Variants in SORCS1 observed in about 807,000 individuals in gnomAD.
SORCS1 encodes the protein VPS10 domain-containing receptor SorCS1.
Under a neutral mutation model 146.1 loss-of-function variants are expected in SORCS1, and 60 were observed. That is an observed-to-expected ratio of 0.41 (90% CI 0.33 to 0.51). The LOEUF (loss-of-function observed/expected upper bound fraction) is 0.51, where lower values mean the gene tolerates loss of function less well. SORCS1 is among the 20% of genes least tolerant of loss of function. The pLI is 0.21. For missense variants in SORCS1, 1,352 were observed against 1,487.6 expected (o/e 0.91, Z 1.50); for synonymous variants, 637 against 584.0 (o/e 1.09, Z -1.31).
chr10:106,920,133 C>T (rs546759772), intron 2 of SORCS1, among the ~76,000 whole-genome samples: 11 of 152,292 alleles, frequency 7.2e-5, no homozygotes, highest in Non-Finnish European at 1.0e-4. Context: ...CACCACTTTA[C>T]ACCAGAACAA....
intron 1 of SORCS1, among the ~76,000 whole-genome samples, chr10:107,084,899 A>G (rs1963646988): frequency 6.6e-6 from 1 of 152,202 alleles, no homozygotes; most frequent in African/African-American, 2.4e-5. Flanking sequence ...TCAATCGTTC[A>G]TGAGACTCTG....
At chr10:107,156,352 C>T (rs186618652) in intron 1 of SORCS1, among the ~76,000 whole-genome samples, 2 of 152,298 alleles carry the variant, frequency 1.3e-5, no homozygotes, top group Non-Finnish European at 2.9e-5. Flanking sequence ...TTAAGCTTGA[C>T]TTCTACAGCT....
chr10:106,890,003 G>A (rs1010783095), intron 2 of SORCS1, among the ~76,000 whole-genome samples: 2 of 150,400 alleles, frequency 1.3e-5, no homozygotes, highest in African/African-American at 4.9e-5. Flanking sequence ...ATTTCTCAAA[G>A]TGCAGCAGGC....
chr10:107,134,938 G>A (rs1024847064), intron 1 of SORCS1, among the ~76,000 whole-genome samples: 1 of 152,164 alleles, frequency 6.6e-6, no homozygotes, highest in African/African-American at 2.4e-5. Context: ...AAGGTGCTGT[G>A]GGAATGACAC....
At chr10:106,625,928 A>C (rs1428820495) in intron 19 of SORCS1, among the ~76,000 whole-genome samples, 1 of 152,136 alleles carries the variant, frequency 6.6e-6, no homozygotes, top group African/African-American at 2.4e-5. Flanking sequence ...CACGTGTCTC[A>C]TTAGTTTGCA....
At position 106,882,275 on chromosome 10, in the gene SORCS1, TA is replaced by T. The variant is rs369105893; in HGVS notation, c.627-52603del. Among the ~76,000 whole-genome samples, 1,201 of 125,940 alleles carry T rather than the reference TA, an allele frequency of 9.5e-3. 13 individuals carry two copies. Among genetic ancestry groups the T allele is most frequent in the African/African-American group, 0.04 (933 of 23,298 alleles). The allele number at this position is 125,940 out of a possible 152,430, so 82.6% of individuals were successfully genotyped here. The stretch of plus-strand genomic sequence containing the variant: ...TAACATTAATGATAGCTGATGAGCT[TA>T]AAAAAAAAAAATCACCAAAAAAGTC... On this transcript the variant is annotated intron_variant, in intron 2 of 25. Coordinates refer to ENST00000263054, the MANE Select transcript of SORCS1 (RefSeq NM_052918.5).
upstream of SORCS1, among the ~76,000 whole-genome samples, chr10:107,168,560 T>C (rs1321528959): frequency 6.6e-6 from 1 of 152,008 alleles, no homozygotes; most frequent in East Asian, 1.9e-4. Flanking sequence ...GTGGCACCAG[T>C]ATAACAAGCC....
intron 1 of SORCS1, among the ~76,000 whole-genome samples, chr10:107,115,165 C>T (rs1004977610): frequency 6.6e-5 from 10 of 151,648 alleles, no homozygotes; most frequent in South Asian, 2.1e-4. Flanking sequence ...ATTGTTTAAA[C>T]GTCCATATTG....
chr10:106,808,404 G>C (rs1005768229), intron 3 of SORCS1, among the ~76,000 whole-genome samples: 1 of 152,194 alleles, frequency 6.6e-6, no homozygotes, highest in Non-Finnish European at 1.5e-5. Context: ...CCCATGCAAT[G>C]AGCTAACAGA....
chr10:107,039,092 G>A (rs554764714), intron 1 of SORCS1, among the ~76,000 whole-genome samples: 12 of 152,284 alleles, frequency 7.9e-5, no homozygotes, highest in Non-Finnish European at 1.6e-4. Flanking sequence ...CACTTTGGGA[G>A]GCTGAGGCGG....
intron 3 of SORCS1, among the ~76,000 whole-genome samples, chr10:106,811,710 A>G (rs1006003731): frequency 3.3e-5 from 5 of 152,242 alleles, no homozygotes; most frequent in Non-Finnish European, 2.9e-5. Context: ...ACTCTGCTAT[A>G]AATGGCTAAG....
chr10:107,014,623 G>C (rs191761723), intron 1 of SORCS1, among the ~76,000 whole-genome samples: 97 of 152,250 alleles, frequency 6.4e-4, no homozygotes, highest in Non-Finnish European at 1.1e-3. Context: ...CATAACCTGG[G>C]AATCTGTTAG....
intron 1 of SORCS1, among the ~76,000 whole-genome samples, chr10:106,999,153 G>GTAAT (rs1002976168): frequency 3.3e-5 from 5 of 152,114 alleles, no homozygotes; most frequent in Non-Finnish European, 7.4e-5. Flanking sequence ...AAAAAAACAG[G>GTAAT]TAATGCCCAG....
chr10:107,158,392 T>C (rs1480754327), intron 1 of SORCS1, among the ~76,000 whole-genome samples: 1 of 152,226 alleles, frequency 6.6e-6, no homozygotes, highest in Non-Finnish European at 1.5e-5. Flanking sequence ...TTACATCTCT[T>C]CCCTTGACCT....
chr10:106,638,321 A>C (rs1273368956), intron 18 of SORCS1, among the ~76,000 whole-genome samples: 1 of 152,220 alleles, frequency 6.6e-6, no homozygotes, highest in Non-Finnish European at 1.5e-5. Context: ...TCCTTTAGGA[A>C]TAAATCTCTA....
At chr10:107,159,012 G>T (rs571026451) in intron 1 of SORCS1, among the ~76,000 whole-genome samples, 361 of 148,476 alleles carry the variant, frequency 2.4e-3, no homozygotes, top group African/African-American at 7.8e-3. Context: ...GCATTTTTTT[G>T]GGGGGGAAGG....
chr10:106,583,725 G>C lies in SORCS1; in HGVS notation c.3266-4251C>G, dbSNP rs148530907. 2.8e-4 allele frequency among the ~76,000 whole-genome samples: 42 copies of C among 151,950 alleles called. 1 individual carries two copies. The East Asian group carries it at 5.4e-3, about 20-fold the overall frequency. On this transcript the variant is annotated intron_variant, in intron 24 of 25. Transcript: ENST00000263054. Reference sequence around the variant, plus strand: ...GGGTTTCACCATGTTGGCCAGGCTGGTCTCGAACGCTAACCTTGAGTGATC... The same window carrying C: ...GGGTTTCACCATGTTGGCCAGGCTGCTCTCGAACGCTAACCTTGAGTGATC...
At chr10:107,023,372 C>T (rs1564937687) in intron 1 of SORCS1, among the ~76,000 whole-genome samples, 1 of 152,174 alleles carries the variant, frequency 6.6e-6, no homozygotes. Context: ...ACTCTGTCCC[C>T]AAACCACTTC....
Position 107,124,934 on chromosome 10 carries a change from CTTTCTTTCT to C in SORCS1, c.558+39026_558+39034del, listed in dbSNP as rs1565075972. 3.4e-5 allele frequency among the ~76,000 whole-genome samples: 5 copies of C among 148,256 alleles called. No homozygotes were observed. The Admixed American group carries it at 3.4e-4, about 10-fold the overall frequency. Reference sequence around the variant, plus strand: ...TGCCCACTCTGCTCAGCTTTCTTTTCTTTCTTTCTTTTCTTTTTCTTTTTTTTTTTTTTT... The same window carrying C: ...TGCCCACTCTGCTCAGCTTTCTTTTCTTTCTTTTTCTTTTTTTTTTTTTTT... On this transcript the variant is annotated intron_variant, in intron 1 of 25. Coordinates refer to ENST00000263054, the MANE Select transcript of SORCS1 (RefSeq NM_052918.5).
Sources: allele counts gnomAD v4.1 joint callset (sites outside exome capture counted in the v4.1 genomes callset), GRCh38; gene constraint gnomAD v4.1.1; transcripts MANE v1.5; gene names NCBI Gene and HGNC (gene_info 2026-07-23, HGNC 2026-07-21).